The following MARK1 variants were observed in gnomAD, a reference collection of about 807,000 sequenced individuals.
The protein encoded by MARK1 is microtubule affinity regulating kinase 1.
Under a neutral mutation model 96.3 loss-of-function variants are expected in MARK1, and 40 were observed. The observed-to-expected ratio is 0.42, with a 90% CI of 0.32 to 0.54. The LOEUF (loss-of-function observed/expected upper bound fraction) is 0.54. MARK1 is among the 20% of genes least tolerant of loss of function. MARK1 has a pLI of 0.16. For missense variants in MARK1, 719 were observed against 984.6 expected (o/e 0.73, Z 3.61); for synonymous variants, 317 against 341.2 (o/e 0.93, Z 0.78).
At chr1:220,598,242 G>T in intron 3 of MARK1, 89 bp from the exon 4 acceptor site, 1 of 457,826 alleles carries the variant, frequency 2.2e-6, no homozygotes, top group Non-Finnish European at 4.3e-6. Context: ...TTTGTAAGCA[G>T]ATTAATTTCT....
intron 1 of MARK1, among the ~76,000 whole-genome samples, chr1:220,532,309 G>A (rs1483005374): frequency 6.6e-6 from 1 of 152,188 alleles, no homozygotes; most frequent in East Asian, 1.9e-4. Flanking sequence ...GAAGAAGCGA[G>A]AGGAAAGCAT....
chr1:220,584,350 T>C (rs1664450193), intron 3 of MARK1, among the ~76,000 whole-genome samples: 1 of 152,264 alleles, frequency 6.6e-6, no homozygotes, highest in South Asian at 2.1e-4. Flanking sequence ...CAGAATTATG[T>C]CATTATATAA....
At chr1:220,586,011 A>ACGCG (rs1553322975) in intron 3 of MARK1, among the ~76,000 whole-genome samples, 81,043 of 148,466 alleles carry the variant, frequency 0.55, 23,269 homozygotes, top group Non-Finnish European at 0.65. Flanking sequence ...ACACACACAC[A>ACGCG]CGCGCGCGTG....
At position 220,581,082 on chromosome 1, in the gene MARK1, A is replaced by C. The variant is rs1304426166; in HGVS notation, c.273A>C (p.Ile91=). The change falls in exon 3 of 18, where the codon ATA becomes ATC. Residue 91 remains isoleucine, a synonymous_variant. Transcript: ENST00000366917. The part of the protein sequence containing the change: ...LTGREVAVKI[I]DKTQLNPTSL... ...TTTTTTAGGTTGCTGTGAAAATAAT[A>C]GACAAAACTCAGCTAAATCCTACCA... 7.7e-7 allele frequency: 1 copy of C among 1,291,442 alleles called. No homozygotes were observed. Among genetic ancestry groups the C allele is most frequent in the Non-Finnish European group, 1.0e-6 (1 of 969,448 alleles). The allele number at this position is 1,291,442 out of a possible 1,614,324, so 80.0% of individuals were successfully genotyped here.
intron 3 of MARK1, among the ~76,000 whole-genome samples, chr1:220,584,547 G>A (rs971061731): frequency 1.3e-5 from 2 of 152,206 alleles, no homozygotes; most frequent in African/African-American, 4.8e-5. Flanking sequence ...TTGTCAAATG[G>A]TGGCCTAAGC....
intron 13 of MARK1, among the ~76,000 whole-genome samples, chr1:220,639,411 G>A (rs73105483): frequency 3.6e-4 from 54 of 151,858 alleles, no homozygotes; most frequent in African/African-American, 9.9e-4. Flanking sequence ...CTTCTAGATC[G>A]GAACATCAAG....
chr1:220,658,308 A>AT (rs1424674277), intron 17 of MARK1, among the ~76,000 whole-genome samples: 1 of 152,174 alleles, frequency 6.6e-6, no homozygotes, highest in Non-Finnish European at 1.5e-5. Flanking sequence ...TTTTTTTGAC[A>AT]TTTCATGCTA....
intron 1 of MARK1, among the ~76,000 whole-genome samples, chr1:220,555,761 C>A (rs977472055): frequency 3.3e-5 from 5 of 151,928 alleles, no homozygotes; most frequent in Admixed American, 6.6e-5. Context: ...GTCTAAAATT[C>A]AAGGAAGGTC....
intron 9 of MARK1, chr1:220,626,513 G>T: frequency 1.9e-6 from 1 of 521,836 alleles, no homozygotes. Context: ...TGGTTAGGTT[G>T]CTTCAATCTG....
intron 9 of MARK1, among the ~76,000 whole-genome samples, chr1:220,623,110 G>A (rs938692818): frequency 6.6e-6 from 1 of 152,064 alleles, no homozygotes; most frequent in Non-Finnish European, 1.5e-5. Context: ...AAATCGGAGT[G>A]GATGAGTTTA....
intron 2 of MARK1, among the ~76,000 whole-genome samples, chr1:220,580,116 C>G (rs1325258481): frequency 6.6e-6 from 1 of 151,916 alleles, no homozygotes; most frequent in Non-Finnish European, 1.5e-5. Flanking sequence ...GGGTTACAGA[C>G]TTTATTTGAA....
At chr1:220,550,302 C>T (rs2102739974) in intron 1 of MARK1, among the ~76,000 whole-genome samples, 1 of 152,134 alleles carries the variant, frequency 6.6e-6, no homozygotes, top group South Asian at 2.1e-4. Flanking sequence ...ATATTTTTGC[C>T]CCTTAGAAAT....
rs11417176 is a variant in MARK1, at chr1:220,600,892, CT to C, written c.424+1042del. On this transcript the variant is annotated intron_variant, in intron 5 of 17. Transcript: ENST00000366917. Reference sequence around the variant, plus strand: ...ACTGTCTCGTATTTCTTTTCTTTTTCTTTTTTTTTTTTTATTTTGAGACGGA... The same window carrying C: ...ACTGTCTCGTATTTCTTTTCTTTTTCTTTTTTTTTTTTATTTTGAGACGGA... 2.1e-3 allele frequency among the ~76,000 whole-genome samples: 306 copies of C among 144,218 alleles called. 1 individual carries two copies. Among genetic ancestry groups the C allele is most frequent in the African/African-American group, 6.5e-3 (257 of 39,448 alleles). 94.6% of individuals were successfully genotyped at this position (144,218 alleles called of 152,430 possible).
At position 220,654,309 on chromosome 1, in the gene MARK1, A is replaced by G. The variant is rs1384667546; in HGVS notation, c.1988+957A>G. Among the ~76,000 whole-genome samples the G allele has an allele frequency of 1.3e-5, 2 of 152,226 alleles. No individual in the cohort carries two copies. Among genetic ancestry groups the G allele is most frequent in the East Asian group, 3.8e-4 (2 of 5,200 alleles). On this transcript the variant is annotated intron_variant, in intron 16 of 17. Coordinates refer to ENST00000366917, the MANE Select transcript of MARK1 (RefSeq NM_018650.5). The surrounding 1 kb of genome is among the most constrained non-coding windows in gnomAD (Gnocchi z 4.0). ...AAGAAATAATTATACTTGCTTTAAG[A>G]AATACTAATTAAATACTTAGTTTCC...
At chr1:220,652,745 ATTATT>A (rs1288482787) in intron 15 of MARK1, among the ~76,000 whole-genome samples, 9 of 152,192 alleles carry the variant, frequency 5.9e-5, no homozygotes, top group African/African-American at 2.2e-4. Flanking sequence ...GAAATAGGAA[ATTATT>A]TTATTCAAAG....
intron 9 of MARK1, chr1:220,626,148 C>T: frequency 8.2e-6 from 5 of 611,534 alleles, no homozygotes; most frequent in South Asian, 6.1e-5. Context: ...GGGCTGGGGG[C>T]CTGAACCATG....
At chr1:220,560,294 C>T (rs1034383146) in intron 1 of MARK1, among the ~76,000 whole-genome samples, 1 of 152,164 alleles carries the variant, frequency 6.6e-6, no homozygotes, top group Non-Finnish European at 1.5e-5. Context: ...AAAGATCCCC[C>T]CAGTGGATGG....
Position 220,662,039 on chromosome 1 carries a change from A to G in MARK1, c.2261A>G (p.Gln754Arg). 6.2e-7 allele frequency: 1 copy of G among 1,614,198 alleles called. No individual in the cohort carries two copies. The highest frequency in any genetic ancestry group is 8.5e-7 in the Non-Finnish European group (1 of 1,180,024). ...GACGCTAGACAGGATAGCCTCGTGC[A>G]GTGGGAGATGGAAGTCTGCAAGTTG... Reference protein sequence around the residue: ...HGDARQDSLVQWEMEVCKLPR... With the variant: ...HGDARQDSLVRWEMEVCKLPR... The change falls in exon 18 of 18, where the codon CAG becomes CGG. Residue 754 changes from glutamine (Q) to arginine (R), a missense_variant. Transcript: ENST00000366917.
rs1669510744 is a variant in MARK1 at position 220,662,068 on chromosome 1, C to A, written c.2290C>A (p.Arg764=). 2 of 1,614,212 alleles carry A rather than the reference C, an allele frequency of 1.2e-6. No individual in the cohort carries two copies. Among genetic ancestry groups the A allele is most frequent in the East Asian group, 4.5e-5 (2 of 44,894 alleles). The part of the protein sequence containing the change: ...QWEMEVCKLP[R]LSLNGVRFKR... ...GGAGATGGAAGTCTGCAAGTTGCCACGACTGTCACTTAATGGGGTTCGCTT... is the reference window on the plus strand; with the variant it reads ...GGAGATGGAAGTCTGCAAGTTGCCAAGACTGTCACTTAATGGGGTTCGCTT... Residue 764 remains arginine, a synonymous_variant, in exon 18 of 18, where the codon CGA becomes AGA. Coordinates refer to ENST00000366917, the MANE Select transcript of MARK1 (RefSeq NM_018650.5).
Sources: allele counts gnomAD v4.1 joint callset (sites outside exome capture counted in the v4.1 genomes callset), GRCh38; gene constraint gnomAD v4.1.1; non-coding constraint Gnocchi (gnomAD v3.1); transcripts MANE v1.5; gene names NCBI Gene and HGNC (gene_info 2026-07-23, HGNC 2026-07-21).